Variants in ADAMTS17 observed in about 807,000 individuals in gnomAD.
The protein encoded by ADAMTS17 is ADAM metallopeptidase with thrombospondin type 1 motif 17.
A neutral mutation model predicts 141.5 loss-of-function variants in ADAMTS17; 113 were observed. The observed-to-expected ratio is 0.80, with a 90% CI of 0.69 to 0.93. The LOEUF (loss-of-function observed/expected upper bound fraction) is 0.93, where lower values mean the gene tolerates loss of function less well. Among genes scored for constraint, ADAMTS17 ranks in the 40% least tolerant of loss-of-function variants. The pLI, the probability that ADAMTS17 is intolerant of heterozygous loss-of-function variation, is 0.00. For synonymous variants in ADAMTS17, 768 were observed against 630.6 expected (o/e 1.22, Z -3.27); for missense variants, 1,659 against 1,517.9 (o/e 1.09, Z -1.54).
rs1323694227 is a variant in ADAMTS17, at chr15:99,993,611, C to T, written c.2797-411G>A. On this transcript the variant is annotated intron_variant, in intron 19 of 21. Transcript: ENST00000268070. The surrounding 1 kb of genome is among the most constrained non-coding windows in gnomAD (Gnocchi z 4.3). ...GAGGCCCTAAAGCTGAGTCCCAGGC[C>T]CCAGATCTTTCCAGCTGGCCTCCAG... is the stretch of plus-strand genomic sequence containing the variant. 1.3e-5 allele frequency among the ~76,000 whole-genome samples: 2 copies of T among 152,172 alleles called. No individual in the cohort carries two copies. The highest frequency in any genetic ancestry group is 6.5e-5 in the Admixed American group (1 of 15,284).
Position 100,322,888 on chromosome 15 carries a change from C to A in ADAMTS17, c.616+8001G>T, listed in dbSNP as rs1049259431. 2.6e-5 allele frequency among the ~76,000 whole-genome samples: 4 copies of A among 151,850 alleles called. No individual in the cohort carries two copies. In the East Asian group the frequency reaches 7.8e-4, roughly 29 times the overall value. On this transcript the variant is annotated intron_variant, in intron 3 of 21. Transcript: ENST00000268070. ...AGATCACGAGGTCAGGAGATCAAGA[C>A]CATCCTGGTCAACATGGTGAAAGCC...
chr15:100,276,843 G>A (rs529939131), intron 4 of ADAMTS17, among the ~76,000 whole-genome samples: 3 of 152,260 alleles, frequency 2.0e-5, no homozygotes, highest in South Asian at 2.1e-4. Flanking sequence ...TAAAACAGCC[G>A]CAGGCAGGAA....
chr15:100,271,584 TG>T (rs1555499211), intron 4 of ADAMTS17, among the ~76,000 whole-genome samples: 7 of 66,580 alleles, frequency 1.1e-4, no homozygotes, highest in African/African-American at 4.0e-4. Flanking sequence ...TAAATTGAAT[TG>T]TTTTTTTTTT....
intron 15 of ADAMTS17, among the ~76,000 whole-genome samples, chr15:100,088,010 A>C (rs2035218023): frequency 6.6e-6 from 1 of 152,186 alleles, no homozygotes; most frequent in African/African-American, 2.4e-5. Context: ...AGGAGAAGGA[A>C]ATAAAGGGTA....
intron 8 of ADAMTS17, 51 bp downstream of exon 8, chr15:100,199,267 C>T (rs1210469691): frequency 1.3e-6 from 2 of 1,501,936 alleles, no homozygotes; most frequent in Non-Finnish European, 1.9e-6. Context: ...GAAAAATCTG[C>T]ACTCAAAAAG....
intron 8 of ADAMTS17, among the ~76,000 whole-genome samples, chr15:100,173,878 C>A (rs539692967): frequency 6.6e-6 from 1 of 152,326 alleles, no homozygotes; most frequent in South Asian, 2.1e-4. Flanking sequence ...CAGGGACTCC[C>A]AGGTGAGTCT....
chr15:100,107,461 G>A (rs1303563016), intron 14 of ADAMTS17, among the ~76,000 whole-genome samples: 1 of 152,160 alleles, frequency 6.6e-6, no homozygotes, highest in Non-Finnish European at 1.5e-5. Context: ...AGGGAACGTG[G>A]TCATAGGATG....
At position 100,096,976 on chromosome 15, in the gene ADAMTS17, C is replaced by T. The variant is rs182061290; in HGVS notation, c.2017-500G>A. Among the ~76,000 whole-genome samples the T allele has an allele frequency of 7.5e-4, 114 of 152,336 alleles. No individual in the cohort carries two copies. In the South Asian group the frequency reaches 0.013, roughly 18 times the overall value. ...TAACAAGGTAGGGATGCCCACAGCT[C>T]ATTCAGGCAGGGCTTGGCACGGGCC... On this transcript the variant is annotated intron_variant, in intron 14 of 21. Coordinates refer to ENST00000268070, the MANE Select transcript of ADAMTS17 (RefSeq NM_139057.4).
chr15:100,166,599 T>C (rs147091654), intron 8 of ADAMTS17, among the ~76,000 whole-genome samples: 233 of 152,280 alleles, frequency 1.5e-3, no homozygotes, highest in Middle Eastern at 3.4e-3. Flanking sequence ...GCTGCTACAG[T>C]GCAATAGTCC....
chr15:100,030,001 G>A (rs1034182386), intron 18 of ADAMTS17, among the ~76,000 whole-genome samples: 1 of 152,188 alleles, frequency 6.6e-6, no homozygotes, highest in Admixed American at 6.5e-5. Context: ...CAGCACAGTA[G>A]AGCCACTAGA....
chr15:100,147,404 G>T (rs575083604), intron 10 of ADAMTS17, among the ~76,000 whole-genome samples: 1 of 152,210 alleles, frequency 6.6e-6, no homozygotes, highest in African/African-American at 2.4e-5. Context: ...AAACCTAGAC[G>T]GCATAACCTA....
At chr15:100,103,871 T>C (rs913269216) in intron 14 of ADAMTS17, among the ~76,000 whole-genome samples, 3 of 152,204 alleles carry the variant, frequency 2.0e-5, no homozygotes, top group Non-Finnish European at 4.4e-5. Context: ...CCACTGCACC[T>C]GACCCTTCTT....
intron 7 of ADAMTS17, among the ~76,000 whole-genome samples, chr15:100,220,325 G>T (rs1242898075): frequency 6.6e-6 from 1 of 152,082 alleles, no homozygotes; most frequent in African/African-American, 2.4e-5. Flanking sequence ...TCCTAAGTGG[G>T]GTGGCAGCGG....
At position 100,116,834 on chromosome 15, in the gene ADAMTS17, CA is replaced by C. The variant is rs1352914916; in HGVS notation, c.1888+12del. ...AGGAGGCTGCCATGCAAGGACATGC[CA>C]TATGCCTTTACCGTCAACCACCACG... is the stretch of plus-strand genomic sequence containing the variant. On this transcript the variant is annotated intron_variant, in intron 13 of 21. Coordinates refer to ENST00000268070, the MANE Select transcript of ADAMTS17 (RefSeq NM_139057.4). 4.3e-6 allele frequency: 7 copies of C among 1,614,060 alleles called. No individual in the cohort carries two copies. The East Asian group carries it at 1.3e-4, about 31-fold the overall frequency.
Position 100,004,231 on chromosome 15 carries a change from A to G in ADAMTS17, c.2592-6642T>C, listed in dbSNP as rs77032663. Among the ~76,000 whole-genome samples, 85 of 152,274 alleles carry G rather than the reference A, an allele frequency of 5.6e-4. No homozygotes were observed. In the East Asian group the frequency reaches 0.011, roughly 20 times the overall value. On this transcript the variant is annotated intron_variant, in intron 18 of 21. Transcript: ENST00000268070. ...TGCTGTGTGGACTTTGTGTACAAGC[A>G]CTCCGCAGCGTATTTTAGCTGTTTT...
rs71151930 is a variant in ADAMTS17 at position 100,001,976 on chromosome 15, C to CAAAA, written c.2592-4391_2592-4388dup. On this transcript the variant is annotated intron_variant, in intron 18 of 21. Transcript: ENST00000268070. ...TTGGGGACAGAGCGAGACTCAGTCT[C>CAAAA]AAAAAAAAGGCCAAACCCAAAAAAA... Among the ~76,000 whole-genome samples the CAAAA allele has an allele frequency of 2.7e-3, 92 of 33,604 alleles. 5 individuals are homozygous for CAAAA. Among genetic ancestry groups the CAAAA allele is most frequent in the African/African-American group, 0.012 (90 of 7,250 alleles). The allele number at this position is 33,604 out of a possible 152,430, so 22.0% of individuals were successfully genotyped here.
intron 18 of ADAMTS17, among the ~76,000 whole-genome samples, chr15:100,019,936 A>G (rs372641366): frequency 8.6e-5 from 13 of 151,996 alleles, no homozygotes; most frequent in Non-Finnish European, 1.9e-4. Flanking sequence ...TGATCACCAA[A>G]TTCCTACTAC....
At chr15:100,286,035 C>A (rs1251080087) in intron 3 of ADAMTS17, among the ~76,000 whole-genome samples, 1 of 152,140 alleles carries the variant, frequency 6.6e-6, no homozygotes, top group Admixed American at 6.5e-5. Context: ...CCAGGGGCGG[C>A]CCATCATAGC....
rs529209599 is a variant in ADAMTS17, at chr15:100,240,668, C to A, written c.1075+13468G>T. Among the ~76,000 whole-genome samples, 7 of 152,312 alleles carry A rather than the reference C, an allele frequency of 4.6e-5. No homozygotes were observed. The South Asian group carries it at 1.2e-3, about 27-fold the overall frequency. On this transcript the variant is annotated intron_variant, in intron 7 of 21. Coordinates refer to ENST00000268070, the MANE Select transcript of ADAMTS17 (RefSeq NM_139057.4). ...CAGCTGACCTTCCCACAATCTGCCA[C>A]CCAGAACTCAGTCCTTTTCTTTCAT...
Sources: gnomAD v4.1 joint callset for allele counts (sites outside exome capture counted in the v4.1 genomes callset) on GRCh38, gnomAD v4.1.1 for gene constraint, Gnocchi (gnomAD v3.1) non-coding constraint, MANE v1.5 for transcripts, NCBI Gene and HGNC (gene_info 2026-07-23, HGNC 2026-07-21) for gene names.